Variants in UBAC2 observed in about 807,000 individuals in gnomAD.
UBAC2 encodes ubiquitin-associated domain-containing protein 2.
Under a neutral mutation model 44.0 loss-of-function variants are expected in UBAC2, and 26 were observed. The observed-to-expected ratio is 0.59, with a 90% confidence interval of 0.43 to 0.82. The LOEUF (loss-of-function observed/expected upper bound fraction) is 0.82, where lower values mean the gene tolerates loss of function less well. Ranked by LOEUF, UBAC2 falls within the 40% of genes least tolerant of loss-of-function variation. UBAC2 has a pLI of 0.00. For missense variants in UBAC2, 329 were observed against 419.4 expected, an observed-to-expected ratio of 0.78 and a Z score of 1.88; for synonymous variants, 155 against 154.3, an observed-to-expected ratio of 1.00 and a Z score of -0.04.
At chr13:99,251,743 T>C (rs974031276) in intron 4 of UBAC2, among the ~76,000 whole-genome samples, 1 of 152,184 alleles carries the variant, frequency 6.6e-6, no homozygotes, top group East Asian at 1.9e-4. Flanking sequence ...AGATTCCAGC[T>C]CTGCCTCTTA....
chr13:99,371,164 T>G (rs2045401073), intron 8 of UBAC2, among the ~76,000 whole-genome samples: 2 of 152,082 alleles, frequency 1.3e-5, no homozygotes, highest in Admixed American at 1.3e-4. Context: ...TGTTTTTTTT[T>G]TTGTTTAATG....
At chr13:99,368,657 A>T (rs1224838803) in intron 8 of UBAC2, among the ~76,000 whole-genome samples, 2 of 151,758 alleles carry the variant, frequency 1.3e-5, no homozygotes, top group Non-Finnish European at 2.9e-5. Context: ...GTTGGAAAGG[A>T]ATTATCACTA....
intron 1 of UBAC2, among the ~76,000 whole-genome samples, chr13:99,237,273 C>T (rs75233255): frequency 0.27 from 30,856 of 112,234 alleles, 3,564 homozygotes; most frequent in South Asian, 0.41. Context: ...TATATATATA[C>T]ACACACACAC....
At chr13:99,350,268 G>GTGCCTTCA (rs2045062105) in intron 7 of UBAC2, among the ~76,000 whole-genome samples, 1 of 152,066 alleles carries the variant, frequency 6.6e-6, no homozygotes, top group African/African-American at 2.4e-5. Flanking sequence ...TCGGCACCTA[G>GTGCCTTCA]GTAATCCTTC....
chr13:99,348,355 C>T (rs910339669), intron 7 of UBAC2, among the ~76,000 whole-genome samples: 5 of 152,146 alleles, frequency 3.3e-5, no homozygotes, highest in African/African-American at 1.2e-4. Flanking sequence ...AACCCTGAGC[C>T]TAAACAGTGG....
At chr13:99,311,948 C>G (rs969864126) in intron 4 of UBAC2, among the ~76,000 whole-genome samples, 1 of 152,230 alleles carries the variant, frequency 6.6e-6, no homozygotes, top group Non-Finnish European at 1.5e-5. Context: ...CCCTGCCATC[C>G]TTCTCACTGG....
intron 7 of UBAC2, among the ~76,000 whole-genome samples, chr13:99,363,975 C>A (rs951555317): frequency 2.0e-5 from 3 of 152,122 alleles, no homozygotes; most frequent in Non-Finnish European, 4.4e-5. Flanking sequence ...TTTGTACTTA[C>A]ATTCTCTAAT....
At chr13:99,284,617 C>T (rs889333540) in intron 4 of UBAC2, among the ~76,000 whole-genome samples, 4 of 152,206 alleles carry the variant, frequency 2.6e-5, no homozygotes, top group East Asian at 1.9e-4. Flanking sequence ...ACTTTATTCA[C>T]ATCTGGCAAT....
At chr13:99,279,522 T>A (rs1339564621) in intron 4 of UBAC2, among the ~76,000 whole-genome samples, 2 of 152,220 alleles carry the variant, frequency 1.3e-5, no homozygotes, top group African/African-American at 4.8e-5. Context: ...TAACAAATGA[T>A]TTGATACCTG....
intron 6 of UBAC2, among the ~76,000 whole-genome samples, chr13:99,325,167 A>G (rs1014759150): frequency 7.6e-5 from 10 of 132,154 alleles, no homozygotes; most frequent in African/African-American, 2.9e-4. Context: ...CTGTGGCGCG[A>G]TCTTGGTTCA....
At chr13:99,263,730 A>G (rs2043701291) in intron 4 of UBAC2, among the ~76,000 whole-genome samples, 1 of 152,204 alleles carries the variant, frequency 6.6e-6, no homozygotes, top group African/African-American at 2.4e-5. Flanking sequence ...CAAATTAGGA[A>G]CAACCTGAAT....
chr13:99,382,972 A>G (rs1375828460), intron 8 of UBAC2, among the ~76,000 whole-genome samples: 22 of 152,210 alleles, frequency 1.4e-4, no homozygotes, highest in Admixed American at 1.4e-3. Context: ...TGCTTTATGT[A>G]GGAAAAGAGA....
At chr13:99,218,319 C>G (rs1336359396) in intron 1 of UBAC2, among the ~76,000 whole-genome samples, 4 of 152,302 alleles carry the variant, frequency 2.6e-5, no homozygotes, top group African/African-American at 9.6e-5. Context: ...TGCTGACTTG[C>G]AGATTTGAAA....
At chr13:99,349,887 GGA>G (rs2045054528) in intron 7 of UBAC2, among the ~76,000 whole-genome samples, 1 of 152,098 alleles carries the variant, frequency 6.6e-6, no homozygotes, top group Admixed American at 6.5e-5. Context: ...AGAAGGTGGT[GGA>G]GCAGAGTGTT....
At chr13:99,218,844 G>A (rs191994504) in intron 1 of UBAC2, among the ~76,000 whole-genome samples, 62 of 152,258 alleles carry the variant, frequency 4.1e-4, no homozygotes, top group Admixed American at 7.8e-4. Flanking sequence ...CCTCCTTAAC[G>A]TGGTCACCGA....
intron 1 of UBAC2, among the ~76,000 whole-genome samples, chr13:99,233,820 A>G (rs866729530): frequency 2.0e-5 from 3 of 152,166 alleles, no homozygotes; most frequent in Non-Finnish European, 2.9e-5. Flanking sequence ...ATGGGAGAAA[A>G]AAAAAGGCAG....
intron 4 of UBAC2, among the ~76,000 whole-genome samples, chr13:99,296,347 A>G (rs1461508331): frequency 6.6e-6 from 1 of 152,232 alleles, no homozygotes; most frequent in Admixed American, 6.5e-5. Context: ...GGTTACATAT[A>G]TGATAACAGG....
intron 8 of UBAC2, among the ~76,000 whole-genome samples, chr13:99,375,853 G>T (rs1335252423): frequency 2.8e-5 from 4 of 140,628 alleles, no homozygotes; most frequent in African/African-American, 1.1e-4. Flanking sequence ...TCCCAAGCTG[G>T]AGTGCAGTGG....
At chr13:99,353,760 A>C (rs1277848208) in intron 7 of UBAC2, among the ~76,000 whole-genome samples, 2 of 152,178 alleles carry the variant, frequency 1.3e-5, no homozygotes, top group Admixed American at 1.3e-4. Flanking sequence ...GGGTTTTCAA[A>C]ACCAGAAAAA....
Sources: gnomAD v4.1 joint callset for allele counts (sites outside exome capture counted in the v4.1 genomes callset) on GRCh38, gnomAD v4.1.1 for gene constraint, MANE v1.5 for transcripts, NCBI Gene and HGNC (gene_info 2026-07-23, HGNC 2026-07-21) for gene names.